The following BMPR1B variants were observed in gnomAD, a reference collection of about 807,000 sequenced individuals.
BMPR1B encodes bone morphogenetic protein receptor type-1B.
A neutral mutation model predicts 59.1 loss-of-function variants in BMPR1B; 12 were observed. The observed-to-expected ratio is 0.20, with a 90% CI of 0.13 to 0.33. The LOEUF (loss-of-function observed/expected upper bound fraction) is 0.33. BMPR1B is among the 10% of genes least tolerant of loss of function. The pLI, the probability that BMPR1B is intolerant of heterozygous loss-of-function variation, is 1.00. For synonymous variants in BMPR1B, 237 were observed against 207.3 expected, an observed-to-expected ratio of 1.14 and a Z score of -1.23; for missense variants, 550 against 610.9, an observed-to-expected ratio of 0.90 and a Z score of 1.05.
intron 2 of BMPR1B, among the ~76,000 whole-genome samples, chr4:94,941,543 T>G (rs2149044477): frequency 6.6e-6 from 1 of 152,324 alleles, no homozygotes; most frequent in East Asian, 1.9e-4. Context: ...TTTTAAAATT[T>G]TTATTTGCAA....
intron 3 of BMPR1B, among the ~76,000 whole-genome samples, chr4:95,071,714 TCTTG>T (rs1728315111): frequency 6.8e-6 from 1 of 147,992 alleles, no homozygotes; most frequent in Non-Finnish European, 1.5e-5. Context: ...AAATTACAGT[TCTTG>T]CTTTCTTGAA....
In BMPR1B at chr4:95,154,614, G is replaced by T. The variant is rs769339843; in HGVS notation, c.1450G>T (p.Ala484Ser). 1 of 1,614,092 alleles carries T rather than the reference G, an allele frequency of 6.2e-7. No individual in the cohort carries two copies. The highest frequency in any genetic ancestry group is 8.5e-7 in the Non-Finnish European group (1 of 1,179,970). Reference protein sequence around the residue: ...WAHNPASRLTALRVKKTLAKM... With the variant: ...WAHNPASRLTSLRVKKTLAKM... ...TCACAATCCTGCATCAAGGCTGACA[G>T]CCCTGCGGGTTAAGAAAACACTTGC... The change falls in exon 13 of 13, where the codon GCC becomes TCC. Residue 484 changes from alanine (A) to serine (S), a missense_variant. Transcript: ENST00000515059.
intron 3 of BMPR1B, among the ~76,000 whole-genome samples, chr4:95,052,362 T>C (rs1726567575): frequency 6.6e-6 from 1 of 152,234 alleles, no homozygotes; most frequent in Non-Finnish European, 1.5e-5. Context: ...TTAAAGCTTA[T>C]TTAAAATTTT....
In BMPR1B at chr4:95,131,360, T is replaced by C. The variant is rs1277441622; in HGVS notation, c.924T>C (p.Ser308=). The change falls in exon 10 of 13, where the codon TCT becomes TCC. Residue 308 remains serine, a synonymous_variant. Transcript: ENST00000515059. ...CAATGCTGAAGTTAGCCTACTCTTC[T>C]GTCAGTGGCTTATGTCATTTACACA... The part of the protein sequence containing the change: ...AKSMLKLAYS[S]VSGLCHLHTE... 3.7e-6 allele frequency: 6 copies of C among 1,614,128 alleles called. No individual in the cohort carries two copies.
chr4:94,964,431 C>G (rs1730478595), intron 2 of BMPR1B, among the ~76,000 whole-genome samples: 1 of 152,052 alleles, frequency 6.6e-6, no homozygotes, highest in South Asian at 2.1e-4. Context: ...TCAGTTTCTC[C>G]CTTTTCAATA....
At chr4:94,853,554 A>G (rs4361394) in intron 1 of BMPR1B, among the ~76,000 whole-genome samples, 92,483 of 151,984 alleles carry the variant, frequency 0.61, 29,020 homozygotes, top group African/African-American at 0.76. Context: ...GAATTCATAA[A>G]TAAGGTAACT....
chr4:94,800,447 ATTTTTTTT>A (rs71583665), intron 1 of BMPR1B, among the ~76,000 whole-genome samples: 1 of 120,094 alleles, frequency 8.3e-6, no homozygotes, highest in Non-Finnish European at 1.7e-5. Context: ...GGTCTTTACT[ATTTTTTTT>A]TTTTTTTTTT....
chr4:95,125,735 C>T (rs1732859276), intron 8 of BMPR1B, among the ~76,000 whole-genome samples: 1 of 152,106 alleles, frequency 6.6e-6, no homozygotes, highest in Non-Finnish European at 1.5e-5. Context: ...TGAGTTCTTC[C>T]AGTGTTTCTT....
chr4:94,779,985 A>G (rs1296348970), intron 1 of BMPR1B, among the ~76,000 whole-genome samples: 1 of 151,876 alleles, frequency 6.6e-6, no homozygotes, highest in Non-Finnish European at 1.5e-5. Flanking sequence ...TCTATGTTAC[A>G]TTTGTTGGGT....
intron 10 of BMPR1B, among the ~76,000 whole-genome samples, chr4:95,135,578 A>G (rs1733712974): frequency 6.6e-6 from 1 of 152,286 alleles, no homozygotes; most frequent in East Asian, 1.9e-4. Flanking sequence ...GGTCCTTCAC[A>G]TCCCTTGTAA....
intron 1 of BMPR1B, among the ~76,000 whole-genome samples, chr4:94,835,741 G>A (rs1187399359): frequency 6.6e-6 from 1 of 152,096 alleles, no homozygotes; most frequent in Non-Finnish European, 1.5e-5. Flanking sequence ...CAGCCATTTA[G>A]GAGTTATCTA....
intron 1 of BMPR1B, among the ~76,000 whole-genome samples, chr4:94,777,181 TAC>T (rs1313731240): frequency 2.0e-5 from 3 of 152,122 alleles, no homozygotes; most frequent in Non-Finnish European, 2.9e-5. Flanking sequence ...CATTCTAATT[TAC>T]AATTCTACCA....
chr4:94,805,640 A>G (rs1417636145), intron 1 of BMPR1B, among the ~76,000 whole-genome samples: 1 of 152,168 alleles, frequency 6.6e-6, no homozygotes, highest in East Asian at 1.9e-4. Context: ...AATGGGCTTT[A>G]AATAGAAAAG....
intron 3 of BMPR1B, among the ~76,000 whole-genome samples, chr4:95,041,302 G>A (rs887124908): frequency 3.9e-5 from 6 of 151,986 alleles, no homozygotes; most frequent in Non-Finnish European, 7.4e-5. Flanking sequence ...TCCTACTTCG[G>A]CCTCCCAAAG....
Position 94,868,316 on chromosome 4 carries a change from G to C in BMPR1B, c.-182-7515G>C, listed in dbSNP as rs566773075. Among the ~76,000 whole-genome samples, 316 of 152,036 alleles carry C rather than the reference G, an allele frequency of 2.1e-3. 3 individuals carry two copies. The highest frequency in any genetic ancestry group is 2.3e-3 in the Non-Finnish European group (158 of 67,964). ...CCCAGGTAGCTGAGATTACAGGTGT[G>C]CACCACTACCACCCAGCTAATTTTT... On this transcript the variant is annotated intron_variant, in intron 1 of 12. Coordinates refer to ENST00000515059, the MANE Select transcript of BMPR1B (RefSeq NM_001203.3).
At chr4:94,983,385 A>G (rs1301347631) in intron 2 of BMPR1B, among the ~76,000 whole-genome samples, 1 of 152,218 alleles carries the variant, frequency 6.6e-6, no homozygotes, top group African/African-American at 2.4e-5. Context: ...ACCACATAGC[A>G]GTTGCTCAAT....
In BMPR1B at chr4:95,131,267, A is replaced by G. The variant is rs543232420; in HGVS notation, c.831A>G (p.Leu277=). The change falls in exon 10 of 13, where the codon CTA becomes CTG. Residue 277 remains leucine, a synonymous_variant. Transcript: ENST00000515059. ...CAGGGTCCTGGACCCAGTTGTACCT[A>G]ATCACAGACTATCATGAAAATGGTT... The part of the protein sequence containing the change: ...KGTGSWTQLY[L]ITDYHENGSL... The G allele has an allele frequency of 2.9e-5, 47 of 1,613,998 alleles. No individual in the cohort carries two copies. In the South Asian group the frequency reaches 4.8e-4, roughly 17 times the overall value.
At chr4:94,830,527 C>A (rs1724544728) in intron 1 of BMPR1B, among the ~76,000 whole-genome samples, 1 of 152,138 alleles carries the variant, frequency 6.6e-6, no homozygotes, top group Non-Finnish European at 1.5e-5. Context: ...TCTCTCACCC[C>A]TTTTAAACTC....
chr4:95,080,777 A>G (rs570513268), intron 3 of BMPR1B, among the ~76,000 whole-genome samples: 10 of 152,328 alleles, frequency 6.6e-5, no homozygotes, highest in South Asian at 4.1e-4. Flanking sequence ...CCAAAGAAAT[A>G]AAAGGAAGCT....
Sources: allele counts gnomAD v4.1 joint callset (sites outside exome capture counted in the v4.1 genomes callset), GRCh38; gene constraint gnomAD v4.1.1; transcripts MANE v1.5; gene names NCBI Gene and HGNC (gene_info 2026-07-23, HGNC 2026-07-21).